Variants in FBXO33 observed in about 807,000 individuals in gnomAD.
FBXO33 encodes F-box protein 33.
In FBXO33, 22 loss-of-function variants were observed where a neutral mutation model predicts 46.3. The observed-to-expected ratio is 0.48, with a 90% CI of 0.34 to 0.68. The LOEUF is 0.68. FBXO33 is among the 30% of genes least tolerant of loss of function. FBXO33 has a pLI of 0.01. For synonymous variants in FBXO33, 337 were observed against 291.3 expected (o/e 1.16, Z -1.60); for missense variants, 692 against 708.8 (o/e 0.98, Z 0.27).
chr14:39,432,315 G>A lies in FBXO33; in HGVS notation c.-153C>T, dbSNP rs553046444. 2.9e-5 allele frequency: 15 copies of A among 513,924 alleles called. No individual in the cohort carries two copies. Among genetic ancestry groups the A allele is most frequent in the African/African-American group, 4.0e-5 (2 of 49,394 alleles). 31.8% of individuals were successfully genotyped at this position (513,924 alleles called of 1,614,324 possible). On this transcript the variant is annotated 5_prime_UTR_variant, in exon 1 of 4. Transcript: ENST00000298097. ...ACTCTACTCACGTGCGTCCGAGGCCGGCACACTGAGTAACTGCACTGCCCT... is the reference window on the plus strand; with the variant it reads ...ACTCTACTCACGTGCGTCCGAGGCCAGCACACTGAGTAACTGCACTGCCCT...
chr14:39,420,447 T>A (rs2075476543), intron 1 of FBXO33, among the ~76,000 whole-genome samples: 3 of 152,090 alleles, frequency 2.0e-5, no homozygotes, highest in Middle Eastern at 3.2e-3. Flanking sequence ...TCTCAGCGCT[T>A]TGGGAGGCCG....
rs185228159 is a variant in FBXO33, at chr14:39,420,677, C to T, written c.599+10887G>A. 1.8e-3 allele frequency among the ~76,000 whole-genome samples: 270 copies of T among 151,480 alleles called. 4 individuals carry two copies. Among genetic ancestry groups the T allele is most frequent in the South Asian group, 0.014 (66 of 4,804 alleles). ...CTGCACTCCAGCCTGGGGGACAGAG[C>T]GAAACTCTGTCTCAAAAAAAAAAGC... On this transcript the variant is annotated intron_variant, in intron 1 of 3. Transcript: ENST00000298097.
At chr14:39,429,869 G>C (rs1347732727) in intron 1 of FBXO33, among the ~76,000 whole-genome samples, 1 of 152,202 alleles carries the variant, frequency 6.6e-6, no homozygotes, top group African/African-American at 2.4e-5. Flanking sequence ...GGAGAATTAA[G>C]CTACAAAGCA....
chr14:39,432,313 C>A lies in FBXO33; in HGVS notation c.-151G>T. On this transcript the variant is annotated 5_prime_UTR_variant, in exon 1 of 4. Coordinates refer to ENST00000298097, the MANE Select transcript of FBXO33 (RefSeq NM_203301.4). ...AAACTCTACTCACGTGCGTCCGAGG[C>A]CGGCACACTGAGTAACTGCACTGCC... 1.8e-6 allele frequency: 1 copy of A among 547,722 alleles called. No homozygotes were observed. Among genetic ancestry groups the A allele is most frequent in the Non-Finnish European group, 2.6e-6 (1 of 381,936 alleles). The allele number at this position is 547,722 out of a possible 1,614,324, so 33.9% of individuals were successfully genotyped here.
At chr14:39,424,505 A>G (rs1305164518) in intron 1 of FBXO33, among the ~76,000 whole-genome samples, 2 of 152,196 alleles carry the variant, frequency 1.3e-5, no homozygotes, top group Non-Finnish European at 2.9e-5. Flanking sequence ...TTATAAAAAA[A>G]ATTAAAGTCT....
Position 39,401,228 on chromosome 14 carries a change from C to T in FBXO33, c.1344G>A (p.Pro448=), listed in dbSNP as rs759014598. ...PDLSDNRNED[P]LVLLAWRCTK... is the part of the protein sequence containing the mutation. ...TGCACCTCCATGCTAATAAAACCAA[C>T]GGATCTTCATTTCGGTTGTCACTAA... The change falls in exon 3 of 4, where the codon CCG becomes CCA. Residue 448 remains proline (P), a synonymous_variant. Coordinates refer to ENST00000298097, the MANE Select transcript of FBXO33 (RefSeq NM_203301.4). The T allele has an allele frequency of 5.0e-5, 80 of 1,611,830 alleles. No individual in the cohort carries two copies. Among genetic ancestry groups the T allele is most frequent in the East Asian group, 2.0e-4 (9 of 44,870 alleles).
At chr14:39,424,854 A>C (rs1595988233) in intron 1 of FBXO33, among the ~76,000 whole-genome samples, 1 of 152,152 alleles carries the variant, frequency 6.6e-6, no homozygotes, top group Non-Finnish European at 1.5e-5. Context: ...GGAGATTGAG[A>C]CCATCCTGGC....
Position 39,401,546 on chromosome 14 carries a change from G to C in FBXO33, c.1026C>G (p.His342Gln), listed in dbSNP as rs1488136218. Residue 342 changes from histidine to glutamine, a missense_variant, in exon 3 of 4, where the codon CAC (histidine) becomes CAG (glutamine). Transcript: ENST00000298097. ...GAGACTTGTGCATTACAGAAACATT[G>C]TGAACCAGAAGAGACAGTCGTTGCA... The part of the protein sequence containing the change: ...VPLQRLSLLV[H>Q]NVSVMHKSLD... The C allele has an allele frequency of 6.2e-7, 1 of 1,614,146 alleles. No homozygotes were observed. Among genetic ancestry groups the C allele is most frequent in the Admixed American group, 1.7e-5 (1 of 60,026 alleles).
chr14:39,411,505 G>C (rs997520965), intron 1 of FBXO33, among the ~76,000 whole-genome samples: 2 of 150,280 alleles, frequency 1.3e-5, no homozygotes, highest in Admixed American at 1.3e-4. Context: ...TTTGTATCAA[G>C]ATATTATTTG....
chr14:39,427,365 G>C (rs1330491660), intron 1 of FBXO33, among the ~76,000 whole-genome samples: 1 of 152,142 alleles, frequency 6.6e-6, no homozygotes, highest in African/African-American at 2.4e-5. Flanking sequence ...AGCCTGCTGG[G>C]AATGCAGTGT....
Position 39,432,202 on chromosome 14 carries a change from C to T in FBXO33, c.-40G>A, listed in dbSNP as rs1595991428. 3 of 1,202,834 alleles carry T rather than the reference C, an allele frequency of 2.5e-6. No individual in the cohort carries two copies. The East Asian group carries it at 1.0e-4, about 41-fold the overall frequency. 74.5% of individuals were successfully genotyped at this position (1,202,834 alleles called of 1,614,324 possible). ...AAGGGGGCGGAACCGTCGTGGGTCT[C>T]GGCGGAACCAAGTAGAACACAAGTT... is the stretch of plus-strand genomic sequence containing the variant. On this transcript the variant is annotated 5_prime_UTR_variant, in exon 1 of 4. Coordinates refer to ENST00000298097, the MANE Select transcript of FBXO33 (RefSeq NM_203301.4).
intron 1 of FBXO33, among the ~76,000 whole-genome samples, chr14:39,403,945 G>C (rs779598954): frequency 6.6e-6 from 1 of 152,008 alleles, no homozygotes; most frequent in Non-Finnish European, 1.5e-5. Context: ...GGGACCACAG[G>C]CATGTGCCAC....
chr14:39,412,083 A>T (rs1476520673), intron 1 of FBXO33, among the ~76,000 whole-genome samples: 1 of 152,212 alleles, frequency 6.6e-6, no homozygotes, highest in Non-Finnish European at 1.5e-5. Flanking sequence ...CATTTGGCCC[A>T]TAGTTTGGTT....
chr14:39,420,110 T>C (rs1422702433), intron 1 of FBXO33, among the ~76,000 whole-genome samples: 2 of 152,246 alleles, frequency 1.3e-5, no homozygotes, highest in African/African-American at 2.4e-5. Context: ...TCTCCTACTT[T>C]TTGCTTATTT....
At chr14:39,429,278 T>C (rs1453458930) in intron 1 of FBXO33, among the ~76,000 whole-genome samples, 1 of 152,230 alleles carries the variant, frequency 6.6e-6, no homozygotes, top group Non-Finnish European at 1.5e-5. Flanking sequence ...AGAATGCTTA[T>C]GATCTGGTAT....
intron 1 of FBXO33, among the ~76,000 whole-genome samples, chr14:39,416,039 T>A (rs1203372518): frequency 6.6e-6 from 1 of 152,234 alleles, no homozygotes; most frequent in East Asian, 1.9e-4. Context: ...TACAATATTA[T>A]TCTCTATTTG....
At chr14:39,430,073 A>G (rs908851725) in intron 1 of FBXO33, among the ~76,000 whole-genome samples, 2 of 152,238 alleles carry the variant, frequency 1.3e-5, no homozygotes, top group Non-Finnish European at 2.9e-5. Context: ...GTACTCACTC[A>G]TTGAATTCAC....
intron 1 of FBXO33, among the ~76,000 whole-genome samples, chr14:39,430,634 G>C (rs1023489657): frequency 6.6e-6 from 1 of 152,088 alleles, no homozygotes. Context: ...TGAAACTGCT[G>C]AAGTATTTTT....
chr14:39,425,288 C>T (rs1209548241), intron 1 of FBXO33, among the ~76,000 whole-genome samples: 2 of 152,086 alleles, frequency 1.3e-5, no homozygotes, highest in Non-Finnish European at 2.9e-5. Context: ...TGGTAGTAAA[C>T]TTTGTTAAGT....
Sources: allele counts gnomAD v4.1 joint callset (sites outside exome capture counted in the v4.1 genomes callset), GRCh38; gene constraint gnomAD v4.1.1; transcripts MANE v1.5; gene names NCBI Gene and HGNC (gene_info 2026-07-23, HGNC 2026-07-21).